The following MAPKAP1 variants were observed in gnomAD, a reference collection of about 807,000 sequenced individuals.
MAPKAP1 encodes the protein target of rapamycin complex 2 subunit MAPKAP1.
MAPKAP1 carries 20 observed loss-of-function variants against 65.7 expected under a neutral mutation model. The ratio of observed to expected loss-of-function variants is 0.30; its 90% confidence interval spans 0.21 to 0.44. The LOEUF is 0.44. Ranked by LOEUF, MAPKAP1 falls within the 20% of genes least tolerant of loss-of-function variation. The probability of loss-of-function intolerance (pLI) is 1.00; values close to 1 mark genes in which losing one functional copy is unlikely to be tolerated. For synonymous variants in MAPKAP1, 222 were observed against 244.3 expected (o/e 0.91, Z 0.85); for missense variants, 423 against 648.0 (o/e 0.65, Z 3.77).
chr9:125,595,786 C>A lies in MAPKAP1; in HGVS notation c.499-10059G>T. 1 of 1,195,536 alleles carries A rather than the reference C, an allele frequency of 8.4e-7. No homozygotes were observed. The highest frequency in any genetic ancestry group is 1.2e-6 in the Non-Finnish European group (1 of 815,934). 74.1% of individuals were successfully genotyped at this position (1,195,536 alleles called of 1,614,324 possible). On this transcript the variant is annotated intron_variant, in intron 4 of 11. Transcript: ENST00000265960. The surrounding 1 kb of genome is among the most constrained non-coding windows in gnomAD (Gnocchi z 4.0). ...GCCATTGTGAGCAATGGGGAACGCT[C>A]CCAGACTGTGTGGTAATGAAAGATT...
intron 4 of MAPKAP1, among the ~76,000 whole-genome samples, chr9:125,657,304 T>C (rs1834059744): frequency 1.3e-5 from 2 of 151,958 alleles, no homozygotes; most frequent in Admixed American, 6.6e-5. Context: ...TTCTCTCATA[T>C]ATATATAAAC....
intron 1 of MAPKAP1, among the ~76,000 whole-genome samples, chr9:125,693,678 T>TAC (rs1835267682): frequency 8.0e-6 from 1 of 125,460 alleles, no homozygotes; most frequent in Admixed American, 8.3e-5. Context: ...TATACACGTA[T>TAC]ATATACACGT....
At chr9:125,640,575 C>A (rs942097873) in intron 4 of MAPKAP1, among the ~76,000 whole-genome samples, 5 of 152,080 alleles carry the variant, frequency 3.3e-5, no homozygotes, top group African/African-American at 1.2e-4. Context: ...CAAACCTGAA[C>A]ACTTAAGTCT....
At chr9:125,701,778 C>T (rs1200869033) in intron 1 of MAPKAP1, among the ~76,000 whole-genome samples, 1 of 152,162 alleles carries the variant, frequency 6.6e-6, no homozygotes, top group African/African-American at 2.4e-5. Context: ...ATTTAAAGTG[C>T]TAAGAGCACA....
At chr9:125,565,552 T>C (rs548203020) in intron 5 of MAPKAP1, 1 of 232,994 alleles carries the variant, frequency 4.3e-6, no homozygotes, top group African/African-American at 2.3e-5. Flanking sequence ...TCAATATTAA[T>C]AGTGTATTGG....
At chr9:125,705,416 T>A (rs1285870916) in intron 1 of MAPKAP1, among the ~76,000 whole-genome samples, 1 of 152,152 alleles carries the variant, frequency 6.6e-6, no homozygotes. Flanking sequence ...AAGCATTACC[T>A]GGCCACATCC....
intron 1 of MAPKAP1, among the ~76,000 whole-genome samples, chr9:125,703,448 G>A (rs892659513): frequency 3.3e-5 from 5 of 152,100 alleles, no homozygotes; most frequent in African/African-American, 4.8e-5. Context: ...CGAACTCACA[G>A]AAACAAGTCA....
At chr9:125,604,194 G>C (rs1042811115) in intron 4 of MAPKAP1, among the ~76,000 whole-genome samples, 2 of 152,050 alleles carry the variant, frequency 1.3e-5, no homozygotes, top group East Asian at 3.8e-4. Flanking sequence ...ATTTAACCCA[G>C]TAATTCCCTG....
intron 9 of MAPKAP1, among the ~76,000 whole-genome samples, chr9:125,482,923 C>T (rs369615606): frequency 6.6e-6 from 1 of 152,274 alleles, no homozygotes; most frequent in East Asian, 1.9e-4. Context: ...TCTGCATGTG[C>T]TGCGGCATTT....
chr9:125,479,611 C>T (rs1481088960), intron 9 of MAPKAP1, among the ~76,000 whole-genome samples: 1 of 151,426 alleles, frequency 6.6e-6, no homozygotes, highest in East Asian at 1.9e-4. Context: ...GGTGGAAAAT[C>T]GACTTAAGTT....
chr9:125,605,864 A>G (rs2131619520), intron 4 of MAPKAP1, among the ~76,000 whole-genome samples: 1 of 152,378 alleles, frequency 6.6e-6, no homozygotes, highest in South Asian at 2.1e-4. Context: ...TGATTTAGGA[A>G]TAAGTAGGGA....
intron 9 of MAPKAP1, among the ~76,000 whole-genome samples, chr9:125,473,716 C>A (rs1429490116): frequency 6.6e-6 from 1 of 152,130 alleles, no homozygotes. Flanking sequence ...TGGGTAGCCC[C>A]CACACTAGGT....
chr9:125,564,695 A>G (rs1223798157), intron 5 of MAPKAP1, among the ~76,000 whole-genome samples: 2 of 152,144 alleles, frequency 1.3e-5, no homozygotes, highest in Non-Finnish European at 2.9e-5. Context: ...GAATGATTGA[A>G]TTTATTGCAC....
intron 4 of MAPKAP1, among the ~76,000 whole-genome samples, chr9:125,641,974 G>A (rs1182968557): frequency 6.6e-6 from 1 of 152,194 alleles, no homozygotes; most frequent in Non-Finnish European, 1.5e-5. Flanking sequence ...AGAGGTTGCA[G>A]TGAGCCAAGA....
chr9:125,497,630 T>G (rs568959988), intron 8 of MAPKAP1, among the ~76,000 whole-genome samples: 2 of 152,246 alleles, frequency 1.3e-5, no homozygotes, highest in Non-Finnish European at 2.9e-5. Flanking sequence ...CATTTACACA[T>G]GAAATCAGAG....
chr9:125,575,793 A>C (rs1352173479), intron 5 of MAPKAP1, among the ~76,000 whole-genome samples: 1 of 152,206 alleles, frequency 6.6e-6, no homozygotes, highest in African/African-American at 2.4e-5. Flanking sequence ...ACAGTTTGGC[A>C]GTGTCTTATA....
chr9:125,600,927 C>T (rs1216879690), intron 4 of MAPKAP1, among the ~76,000 whole-genome samples: 1 of 152,118 alleles, frequency 6.6e-6, no homozygotes, highest in Non-Finnish European at 1.5e-5. Context: ...ATGAACTAAG[C>T]CCCATCACAG....
chr9:125,548,237 A>G (rs1479600472), intron 6 of MAPKAP1, among the ~76,000 whole-genome samples: 1 of 152,234 alleles, frequency 6.6e-6, no homozygotes, highest in Non-Finnish European at 1.5e-5. Context: ...CAAGCTGCAC[A>G]GTCCAGTGGG....
chr9:125,642,868 C>G (rs143147228), intron 4 of MAPKAP1, among the ~76,000 whole-genome samples: 437 of 152,174 alleles, frequency 2.9e-3, no homozygotes, highest in Middle Eastern at 0.01. Flanking sequence ...CTCCAGCCTA[C>G]TGGTATCAAT....
Sources: allele counts gnomAD v4.1 joint callset (sites outside exome capture counted in the v4.1 genomes callset), GRCh38; gene constraint gnomAD v4.1.1; non-coding constraint Gnocchi (gnomAD v3.1); transcripts MANE v1.5; gene names NCBI Gene and HGNC (gene_info 2026-07-23, HGNC 2026-07-21).